The following CSMD3 variants were observed in gnomAD, a reference collection of about 807,000 sequenced individuals.
CSMD3 encodes the protein CUB and Sushi multiple domains 3.
A neutral mutation model predicts 435.2 loss-of-function variants in CSMD3; 177 were observed. The observed-to-expected ratio is 0.41, with a 90% CI of 0.36 to 0.46. The LOEUF is 0.46. Ranked by LOEUF, CSMD3 falls within the 20% of genes least tolerant of loss-of-function variation. The pLI, the probability that CSMD3 is intolerant of heterozygous loss-of-function variation, is 0.34. For missense variants in CSMD3, 4,265 were observed against 4,504.6 expected (o/e 0.95, Z 1.52); for synonymous variants, 1,656 against 1,520.5 (o/e 1.09, Z -2.07).
At chr8:112,277,220 C>G (rs1389135775) in intron 59 of CSMD3, among the ~76,000 whole-genome samples, 1 of 152,160 alleles carries the variant, frequency 6.6e-6, no homozygotes, top group Non-Finnish European at 1.5e-5. Context: ...TGCTTTTTAA[C>G]AGCACCTGAA....
chr8:113,302,236 TA>T, intron 2 of CSMD3, among the ~76,000 whole-genome samples: 1 of 140,128 alleles, frequency 7.1e-6, no homozygotes, highest in Admixed American at 7.8e-5. Flanking sequence ...TAATATAATA[TA>T]TAATATAATA....
intron 31 of CSMD3, among the ~76,000 whole-genome samples, chr8:112,489,668 G>T (rs1208505200): frequency 6.6e-6 from 1 of 152,136 alleles, no homozygotes; most frequent in African/African-American, 2.4e-5. Context: ...AAATTGAAAA[G>T]TCACGCAGAA....
chr8:112,895,418 A>C (rs1034095966), intron 10 of CSMD3, among the ~76,000 whole-genome samples: 1 of 151,428 alleles, frequency 6.6e-6, no homozygotes, highest in African/African-American at 2.4e-5. Context: ...AGGAAAGCCC[A>C]AAGCAAAATT....
At chr8:113,099,881 T>C (rs1426241212) in intron 4 of CSMD3, among the ~76,000 whole-genome samples, 1 of 152,098 alleles carries the variant, frequency 6.6e-6, no homozygotes, top group Non-Finnish European at 1.5e-5. Flanking sequence ...ACTTGTGAAA[T>C]AAATTGTCTT....
chr8:112,921,692 C>T lies in CSMD3; in HGVS notation c.1568G>A (p.Ser523Asn). 1.2e-6 allele frequency: 2 copies of T among 1,610,584 alleles called. No homozygotes were observed. Among genetic ancestry groups the T allele is most frequent in the Non-Finnish European group, 1.7e-6 (2 of 1,177,080 alleles). Residue 523 changes from serine to asparagine, a missense_variant, in exon 10 of 71, where the codon AGC becomes AAC. By Grantham distance (46) the Ser-to-Asn change is conservative (BLOSUM62 1). Around this residue, in one of 3 missense-constraint regions of CSMD3, gnomAD observed 731 missense variants for 755.4 expected, o/e 0.97. Transcript: ENST00000297405. ...TTCAGCTATCCGTTGACAGGTGATG[C>T]TCTTTGCGCCCTGTAGGACATAATC... ...DEDYVLQGAK[S>N]ITCQRIAEVF...
At chr8:112,951,611 A>G (rs1025295113) in intron 8 of CSMD3, among the ~76,000 whole-genome samples, 1 of 151,850 alleles carries the variant, frequency 6.6e-6, no homozygotes, top group African/African-American at 2.4e-5. Flanking sequence ...TTCACATTCT[A>G]CAAAGAGTTA....
At chr8:113,283,907 A>G (rs2093628694) in intron 2 of CSMD3, among the ~76,000 whole-genome samples, 1 of 152,180 alleles carries the variant, frequency 6.6e-6, no homozygotes, top group South Asian at 2.1e-4. Context: ...CTACTCAGCC[A>G]TAAAAAGGAA....
At chr8:113,282,055 G>A (rs1314009486) in intron 2 of CSMD3, among the ~76,000 whole-genome samples, 3 of 151,762 alleles carry the variant, frequency 2.0e-5, no homozygotes, top group South Asian at 2.1e-4. Context: ...CTGTTAATTT[G>A]ATAGGTTCTC....
chr8:112,718,609 A>G (rs560785391), intron 13 of CSMD3, among the ~76,000 whole-genome samples: 1 of 151,914 alleles, frequency 6.6e-6, no homozygotes, highest in South Asian at 2.1e-4. Context: ...TTTAATTTTA[A>G]ATATTTGTAA....
chr8:112,662,419 G>A (rs1377546128), intron 17 of CSMD3, among the ~76,000 whole-genome samples: 1 of 152,000 alleles, frequency 6.6e-6, no homozygotes, highest in African/African-American at 2.4e-5. Flanking sequence ...ACAAGAAATG[G>A]GGAAAGGATT....
At chr8:113,292,427 A>G (rs1177262465) in intron 2 of CSMD3, among the ~76,000 whole-genome samples, 2 of 151,934 alleles carry the variant, frequency 1.3e-5, no homozygotes, top group Admixed American at 6.6e-5. Flanking sequence ...AAATATACAT[A>G]AAACAAAAGC....
chr8:113,281,362 A>C (rs373696362), intron 2 of CSMD3, among the ~76,000 whole-genome samples: 1 of 151,892 alleles, frequency 6.6e-6, no homozygotes, highest in African/African-American at 2.4e-5. Context: ...TGTTACGTGC[A>C]TGTATGTTTA....
intron 12 of CSMD3, among the ~76,000 whole-genome samples, chr8:112,806,917 G>C (rs187526183): frequency 2.6e-5 from 4 of 152,288 alleles, no homozygotes. Context: ...GGCCTTAGGA[G>C]ATTCGAAATC....
intron 17 of CSMD3, among the ~76,000 whole-genome samples, chr8:112,656,886 G>C (rs748355021): frequency 1.3e-5 from 2 of 151,950 alleles, no homozygotes; most frequent in Non-Finnish European, 2.9e-5. Flanking sequence ...GTTCTAAGTA[G>C]GTAGTAACTA....
intron 5 of CSMD3, among the ~76,000 whole-genome samples, chr8:113,087,200 C>CT (rs1445917038): frequency 3.3e-5 from 5 of 152,114 alleles, no homozygotes; most frequent in Non-Finnish European, 5.9e-5. Flanking sequence ...AAAGTGGCAT[C>CT]TTTTTTATGA....
chr8:113,259,112 C>T (rs2093406471), intron 3 of CSMD3, among the ~76,000 whole-genome samples: 1 of 152,038 alleles, frequency 6.6e-6, no homozygotes, highest in Admixed American at 6.6e-5. Context: ...CAAAAAAATG[C>T]CACCATTTCT....
At chr8:113,355,645 A>T (rs2094217551) in intron 1 of CSMD3, among the ~76,000 whole-genome samples, 1 of 149,266 alleles carries the variant, frequency 6.7e-6, no homozygotes, top group Non-Finnish European at 1.5e-5. Flanking sequence ...GGGGGACACA[A>T]ACATTCAGTC....
intron 22 of CSMD3, among the ~76,000 whole-genome samples, chr8:112,606,972 G>GAAAAA (rs71309778): frequency 1.4e-4 from 5 of 36,640 alleles, no homozygotes; most frequent in Admixed American, 8.5e-4. Flanking sequence ...CTCAAGCTAT[G>GAAAAA]AAAAAAAAAA....
At chr8:112,537,051 G>A (rs1826175246) in intron 27 of CSMD3, among the ~76,000 whole-genome samples, 1 of 151,960 alleles carries the variant, frequency 6.6e-6, no homozygotes, top group Admixed American at 6.6e-5. Context: ...GATAGCATTA[G>A]GAGATATACC....
Sources: gnomAD v4.1 joint callset for allele counts (sites outside exome capture counted in the v4.1 genomes callset) on GRCh38, gnomAD v4.1.1 for gene constraint, gnomAD v4.1.1 regional missense constraint, MANE v1.5 for transcripts, NCBI Gene and HGNC (gene_info 2026-07-23, HGNC 2026-07-21) for gene names.